The following ACBD6 variants were observed in gnomAD, a reference collection of about 807,000 sequenced individuals.
ACBD6 encodes acyl-CoA binding domain containing 6.
In ACBD6, 28 loss-of-function variants were observed where a neutral mutation model predicts 37.2. The ratio of observed to expected loss-of-function variants is 0.75; its 90% CI spans 0.56 to 1.03. The LOEUF (loss-of-function observed/expected upper bound fraction) is 1.03. Ranked by LOEUF, ACBD6 falls within the 50% of genes least tolerant of loss-of-function variation. The pLI, the probability that ACBD6 is intolerant of heterozygous loss-of-function variation, is 0.00. For missense variants in ACBD6, 340 were observed against 337.4 expected, an observed-to-expected ratio of 1.01 and a Z score of -0.06; for synonymous variants, 113 against 126.8, an observed-to-expected ratio of 0.89 and a Z score of 0.73.
At chr1:180,467,548 G>A (rs925253013) in intron 3 of ACBD6, among the ~76,000 whole-genome samples, 2 of 151,570 alleles carry the variant, frequency 1.3e-5, no homozygotes, top group African/African-American at 4.9e-5. Flanking sequence ...CTACTCAGGA[G>A]GCTGAGGCAG....
downstream of ACBD6, chr1:180,286,891 T>C (rs1649519781): frequency 6.6e-6 from 1 of 152,220 alleles, no homozygotes; most frequent in Non-Finnish European, 1.5e-5. Context: ...TTCTTCACCG[T>C]TGAGGACTAT....
chr1:180,406,058 G>T (rs1647611708), intron 5 of ACBD6, among the ~76,000 whole-genome samples: 1 of 151,922 alleles, frequency 6.6e-6, no homozygotes, highest in African/African-American at 2.4e-5. Context: ...TACAAACTTG[G>T]ACCCTAAAAC....
intron 6 of ACBD6, among the ~76,000 whole-genome samples, chr1:180,321,978 T>A (rs116440042): frequency 0.02 from 3,001 of 152,248 alleles, 99 homozygotes; most frequent in African/African-American, 0.067. Context: ...CCATTCACTA[T>A]GATACTAGCT....
At chr1:180,351,933 T>C (rs995630061) in intron 6 of ACBD6, among the ~76,000 whole-genome samples, 2 of 152,318 alleles carry the variant, frequency 1.3e-5, no homozygotes, top group African/African-American at 4.8e-5. Flanking sequence ...AAACAAAATA[T>C]GGTATATACA....
chr1:180,499,351 A>G (rs1651861376), intron 1 of ACBD6, among the ~76,000 whole-genome samples: 1 of 152,234 alleles, frequency 6.6e-6, no homozygotes. Flanking sequence ...GTCATATATA[A>G]GTAAGCATAT....
chr1:180,357,661 C>G (rs1189076331), intron 6 of ACBD6, among the ~76,000 whole-genome samples: 2 of 152,162 alleles, frequency 1.3e-5, no homozygotes, highest in Non-Finnish European at 2.9e-5. Flanking sequence ...CATTCTATCA[C>G]CAGCACACAT....
At chr1:180,387,066 T>G (rs1379908101) in intron 6 of ACBD6, among the ~76,000 whole-genome samples, 1 of 152,216 alleles carries the variant, frequency 6.6e-6, no homozygotes, top group Non-Finnish European at 1.5e-5. Flanking sequence ...CCTGATCTAC[T>G]TTTAGGAGTT....
intron 5 of ACBD6, among the ~76,000 whole-genome samples, chr1:180,409,022 T>A (rs1647741034): frequency 6.6e-6 from 1 of 151,964 alleles, no homozygotes; most frequent in Non-Finnish European, 1.5e-5. Context: ...CCAGGCATGG[T>A]AGTGCACACC....
At chr1:180,417,746 T>C (rs1648156640) in intron 4 of ACBD6, among the ~76,000 whole-genome samples, 2 of 152,112 alleles carry the variant, frequency 1.3e-5, no homozygotes, top group Non-Finnish European at 2.9e-5. Context: ...CTCTGATCAA[T>C]GGTAATTCAC....
At chr1:180,462,381 G>A (rs894867137) in intron 3 of ACBD6, among the ~76,000 whole-genome samples, 2 of 152,152 alleles carry the variant, frequency 1.3e-5, no homozygotes, top group African/African-American at 2.4e-5. Flanking sequence ...TCAAAATAAA[G>A]GGATGGAGGA....
intron 3 of ACBD6, among the ~76,000 whole-genome samples, chr1:180,485,866 C>A (rs1159805800): frequency 2.0e-5 from 3 of 151,808 alleles, no homozygotes; most frequent in African/African-American, 7.3e-5. Context: ...ATGAATTATA[C>A]CCCACTGAAT....
At chr1:180,418,309 G>A (rs1337936326) in intron 4 of ACBD6, among the ~76,000 whole-genome samples, 1 of 152,106 alleles carries the variant, frequency 6.6e-6, no homozygotes, top group East Asian at 1.9e-4. Flanking sequence ...AGTGTGTGGT[G>A]GCTCACACCT....
intron 6 of ACBD6, among the ~76,000 whole-genome samples, chr1:180,360,539 G>C (rs1652805826): frequency 6.6e-6 from 1 of 151,986 alleles, no homozygotes; most frequent in African/African-American, 2.4e-5. Context: ...ACAAACTCTG[G>C]GGTGGGGCCC....
chr1:180,369,421 A>G (rs1653171754), intron 6 of ACBD6, among the ~76,000 whole-genome samples: 1 of 152,202 alleles, frequency 6.6e-6, no homozygotes, highest in African/African-American at 2.4e-5. Context: ...AGTCCACTGC[A>G]TAACTGATGG....
intron 3 of ACBD6, among the ~76,000 whole-genome samples, chr1:180,490,452 G>C (rs1651447941): frequency 6.6e-6 from 1 of 150,608 alleles, no homozygotes; most frequent in African/African-American, 2.4e-5. Flanking sequence ...AGATCAGCCT[G>C]GCCAACATGG....
At chr1:180,344,253 G>A (rs1168280868) in intron 6 of ACBD6, among the ~76,000 whole-genome samples, 1 of 152,166 alleles carries the variant, frequency 6.6e-6, no homozygotes, top group Non-Finnish European at 1.5e-5. Context: ...GAAATTAGAA[G>A]CTATGACACA....
chr1:180,452,368 G>T (rs191008594), intron 3 of ACBD6, among the ~76,000 whole-genome samples: 1 of 152,084 alleles, frequency 6.6e-6, no homozygotes, highest in Non-Finnish European at 1.5e-5. Context: ...TACTCGGGAG[G>T]CTGAGGCAGG....
At chr1:180,467,145 CTA>C (rs1311737721) in intron 3 of ACBD6, among the ~76,000 whole-genome samples, 3 of 151,892 alleles carry the variant, frequency 2.0e-5, no homozygotes, top group Non-Finnish European at 2.9e-5. Context: ...CAAGGTATCA[CTA>C]TGTTTCTGAG....
At chr1:180,476,065 A>C (rs1272672796) in intron 3 of ACBD6, among the ~76,000 whole-genome samples, 2 of 152,210 alleles carry the variant, frequency 1.3e-5, no homozygotes, top group Non-Finnish European at 2.9e-5. Context: ...GAAAATAGCA[A>C]AACAAACAAC....
Sources: gnomAD v4.1 joint callset for allele counts (sites outside exome capture counted in the v4.1 genomes callset) on GRCh38, gnomAD v4.1.1 for gene constraint, MANE v1.5 for transcripts, NCBI Gene and HGNC (gene_info 2026-07-23, HGNC 2026-07-21) for gene names.